MECOM: variants seen among roughly 807,000 people sequenced by gnomAD.
MECOM encodes histone-lysine N-methyltransferase MECOM.
MECOM carries 13 observed loss-of-function variants against 116.3 expected under a neutral mutation model. The observed-to-expected ratio is 0.11, with a 90% confidence interval of 0.07 to 0.18. MECOM has a LOEUF of 0.18. Among genes scored for constraint, MECOM ranks in the 10% least tolerant of loss-of-function variants. The probability of loss-of-function intolerance (pLI) is 1.00; values close to 1 mark genes in which losing one functional copy is unlikely to be tolerated. For synonymous variants in MECOM, 528 were observed against 535.2 expected (o/e 0.99, Z 0.19); for missense variants, 1,299 against 1,509.0 (o/e 0.86, Z 2.31).
chr3:169,426,850 T>C (rs1212782445), intron 1 of MECOM, among the ~76,000 whole-genome samples: 1 of 152,196 alleles, frequency 6.6e-6, no homozygotes, highest in Non-Finnish European at 1.5e-5. Context: ...TAACAGAGAA[T>C]GTAGGAGGAA....
At chr3:169,367,457 A>G (rs1229757973) in intron 2 of MECOM, among the ~76,000 whole-genome samples, 1 of 151,960 alleles carries the variant, frequency 6.6e-6, no homozygotes, top group African/African-American at 2.4e-5. Flanking sequence ...GCTTACCTAA[A>G]GAAAGCATCA....
chr3:169,400,725 C>T (rs576711747), intron 1 of MECOM, among the ~76,000 whole-genome samples: 1 of 152,086 alleles, frequency 6.6e-6, no homozygotes, highest in Non-Finnish European at 1.5e-5. Flanking sequence ...AACACATTAC[C>T]GTAAAGATAT....
At chr3:169,086,714 G>T (rs1021177158) in intron 16 of MECOM, 2 of 560,508 alleles carry the variant, frequency 3.6e-6, no homozygotes, top group African/African-American at 3.8e-5. Context: ...AATTTTTACC[G>T]GATAGAGTTT....
At chr3:169,137,735 G>GT (rs1420177266) in intron 3 of MECOM, among the ~76,000 whole-genome samples, 1 of 152,034 alleles carries the variant, frequency 6.6e-6, no homozygotes, top group Non-Finnish European at 1.5e-5. Context: ...CTCTTTGTCA[G>GT]TAACATGAAG....
intron 1 of MECOM, among the ~76,000 whole-genome samples, chr3:169,595,786 G>A (rs908444539): frequency 1.2e-4 from 19 of 152,216 alleles, no homozygotes; most frequent in African/African-American, 4.1e-4. Flanking sequence ...TATAGGATAC[G>A]TATACTGTGG....
At chr3:169,200,322 T>G (rs1252976172) in intron 2 of MECOM, among the ~76,000 whole-genome samples, 8 of 152,144 alleles carry the variant, frequency 5.3e-5, no homozygotes. Flanking sequence ...AATTTGAGAA[T>G]TGATCTTTCA....
intron 2 of MECOM, among the ~76,000 whole-genome samples, chr3:169,257,852 T>C (rs1229982731): frequency 1.3e-5 from 2 of 152,194 alleles, no homozygotes; most frequent in African/African-American, 4.8e-5. Context: ...ATATTAACTA[T>C]TGATAGAAGC....
rs199570807 is a variant in MECOM at position 169,659,072 on chromosome 3, CAAAAAAAAAAA to C, written c.37+4253_37+4263del. Among the ~76,000 whole-genome samples the C allele has an allele frequency of 1.7e-3, 141 of 83,558 alleles. 3 individuals are homozygous for C. The East Asian group carries it at 0.047, about 28-fold the overall frequency. The allele number at this position is 83,558 out of a possible 152,430, so 54.8% of individuals were successfully genotyped here. On this transcript the variant is annotated intron_variant, in intron 1 of 16. Transcript: ENST00000651503. ...GCTTACGACTCCTCACCTTCAACTC[CAAAAAAAAAAA>C]AAAAAAAAGAAAGAGAAAGAAAGAA... is the stretch of plus-strand genomic sequence containing the variant.
At chr3:169,405,043 C>A (rs914623962) in intron 1 of MECOM, among the ~76,000 whole-genome samples, 3 of 152,214 alleles carry the variant, frequency 2.0e-5, no homozygotes, top group Non-Finnish European at 2.9e-5. Flanking sequence ...ACAGTTATAG[C>A]ACAGCGAAAT....
intron 1 of MECOM, among the ~76,000 whole-genome samples, chr3:169,481,670 G>C (rs1358769266): frequency 1.3e-5 from 2 of 149,746 alleles, no homozygotes; most frequent in Non-Finnish European, 3.0e-5. Context: ...AAATCTGTGT[G>C]TGTGTGTGTG....
chr3:169,378,448 A>C (rs1299406185), intron 2 of MECOM, among the ~76,000 whole-genome samples: 2 of 66,268 alleles, frequency 3.0e-5, no homozygotes, highest in Admixed American at 1.6e-4. Context: ...AAAGAAAGAA[A>C]GAAGGAAAGC....
intron 1 of MECOM, chr3:169,483,735 T>G (rs1751721134): frequency 6.3e-7 from 1 of 1,591,958 alleles, no homozygotes; most frequent in African/African-American, 1.3e-5. Context: ...TTCGTAACTC[T>G]CTTTGCTGTT....
chr3:169,354,503 G>A (rs1726906581), intron 2 of MECOM, among the ~76,000 whole-genome samples: 1 of 151,820 alleles, frequency 6.6e-6, no homozygotes, highest in Non-Finnish European at 1.5e-5. Flanking sequence ...TTTCAAAATT[G>A]GCAGTTTCTA....
intron 2 of MECOM, among the ~76,000 whole-genome samples, chr3:169,353,761 T>C (rs958478912): frequency 6.6e-6 from 1 of 152,016 alleles, no homozygotes; most frequent in African/African-American, 2.4e-5. Context: ...CCAATTACTG[T>C]CTTTATACAA....
At chr3:169,218,254 T>A (rs1751666553) in intron 2 of MECOM, among the ~76,000 whole-genome samples, 1 of 152,014 alleles carries the variant, frequency 6.6e-6, no homozygotes, top group Non-Finnish European at 1.5e-5. Context: ...CATGAAAAAA[T>A]TTCATTTTTC....
At chr3:169,649,253 A>G (rs1022773902) in intron 1 of MECOM, among the ~76,000 whole-genome samples, 4 of 151,970 alleles carry the variant, frequency 2.6e-5, no homozygotes, top group Non-Finnish European at 4.4e-5. Flanking sequence ...TGAGCGCACA[A>G]GTTCGAGACC....
At chr3:169,349,219 G>T (rs1394066526) in intron 2 of MECOM, among the ~76,000 whole-genome samples, 2 of 151,790 alleles carry the variant, frequency 1.3e-5, no homozygotes, top group Non-Finnish European at 2.9e-5. Flanking sequence ...CCTGTTCGTA[G>T]GTTAGACCCC....
At chr3:169,112,719 A>G (rs1257001066) in intron 9 of MECOM, 68 bp downstream of exon 9, 113 of 1,198,400 alleles carry the variant, frequency 9.4e-5, no homozygotes, top group Non-Finnish European at 1.3e-4. Context: ...CTTTCATTTC[A>G]TTGCACCTGC....
At chr3:169,413,329 A>G (rs1474822758) in intron 1 of MECOM, among the ~76,000 whole-genome samples, 1 of 152,182 alleles carries the variant, frequency 6.6e-6, no homozygotes, top group Non-Finnish European at 1.5e-5. Flanking sequence ...TGGCCAAGAC[A>G]CTATGCTTTT....
Sources: allele counts gnomAD v4.1 joint callset (sites outside exome capture counted in the v4.1 genomes callset), GRCh38; gene constraint gnomAD v4.1.1; transcripts MANE v1.5; gene names NCBI Gene and HGNC (gene_info 2026-07-23, HGNC 2026-07-21).